Variants in SLC5A1 observed in about 807,000 individuals in gnomAD.
SLC5A1 encodes sodium/glucose cotransporter 1.
SLC5A1 carries 42 observed loss-of-function variants against 73.5 expected under a neutral mutation model. The observed-to-expected ratio is 0.57, with a 90% CI of 0.45 to 0.74. The LOEUF (loss-of-function observed/expected upper bound fraction) is 0.74. Ranked by LOEUF, SLC5A1 falls within the 30% of genes least tolerant of loss-of-function variation. The probability of loss-of-function intolerance (pLI) is 0.00; values close to 1 mark genes in which losing one functional copy is unlikely to be tolerated. For missense variants in SLC5A1, 634 were observed against 855.4 expected (o/e 0.74, Z 3.23); for synonymous variants, 300 against 317.4 (o/e 0.95, Z 0.58).
chr22:32,098,975 A>T (rs1395532789), intron 11 of SLC5A1, among the ~76,000 whole-genome samples: 1 of 150,296 alleles, frequency 6.7e-6, no homozygotes, highest in African/African-American at 2.4e-5. Context: ...AGTCCCAGCT[A>T]CTCAGGAGGC....
chr22:32,068,081 G>T, intron 4 of SLC5A1, 55 bp downstream of exon 4: 14 of 1,557,706 alleles, frequency 9.0e-6, no homozygotes, highest in Non-Finnish European at 1.2e-5. Flanking sequence ...CTGTCAGCTT[G>T]GTCTTCCTAG....
Position 32,068,516 on chromosome 22 carries a change from C to T in SLC5A1, c.393C>T (p.Tyr131=). Residue 131 remains tyrosine (Y), a synonymous_variant, in exon 5 of 15, where the codon TAC becomes TAT. Coordinates refer to ENST00000266088, the MANE Select transcript of SLC5A1 (RefSeq NM_000343.4). ...TGCAGGTGGTGACAATGCCAGAGTA[C>T]CTGAGGAAGCGGTTTGGAGGCCAGC... ...IKAGVVTMPE[Y]LRKRFGGQRI... 1 of 1,613,840 alleles carries T rather than the reference C, an allele frequency of 6.2e-7. No individual in the cohort carries two copies. Among genetic ancestry groups the T allele is most frequent in the Non-Finnish European group, 8.5e-7 (1 of 1,179,810 alleles).
chr22:32,110,297 C>T lies in SLC5A1; in HGVS notation c.*84C>T. On this transcript the variant is annotated 3_prime_UTR_variant, in exon 15 of 15. Transcript: ENST00000266088. ...TCGTCCTGTGGTGTTGAAGGGAAAT[C>T]AGCCAGTTGTAAATTTTGCCCAGGT... 9.0e-7 allele frequency: 1 copy of T among 1,116,434 alleles called. No individual in the cohort carries two copies. The highest frequency in any genetic ancestry group is 1.3e-5 in the South Asian group (1 of 78,334). The allele number at this position is 1,116,434 out of a possible 1,614,324, so 69.2% of individuals were successfully genotyped here.
intron 2 of SLC5A1, among the ~76,000 whole-genome samples, chr22:32,066,244 T>C (rs1375896782): frequency 6.6e-6 from 1 of 152,200 alleles, no homozygotes; most frequent in African/African-American, 2.4e-5. Context: ...GACATGTGCG[T>C]ATCCTTGAAA....
chr22:32,050,820 A>C (rs2093944202), intron 2 of SLC5A1, among the ~76,000 whole-genome samples: 1 of 152,240 alleles, frequency 6.6e-6, no homozygotes, highest in Non-Finnish European at 1.5e-5. Flanking sequence ...AGGTCCCCGG[A>C]AGCCTGAGTC....
chr22:32,056,179 G>A (rs1399389248), intron 2 of SLC5A1, among the ~76,000 whole-genome samples: 3 of 151,978 alleles, frequency 2.0e-5, no homozygotes, highest in African/African-American at 4.8e-5. Context: ...GTGCCACCAC[G>A]CCTGGCTAAT....
At chr22:32,086,409 C>A in intron 10 of SLC5A1, 82 bp downstream of exon 10, 1 of 943,066 alleles carries the variant, frequency 1.1e-6, no homozygotes, top group South Asian at 1.3e-5. Flanking sequence ...TCCTGTGAAC[C>A]TTCTGGGCAA....
At chr22:32,086,510 A>C (rs2094008651) in intron 10 of SLC5A1, among the ~76,000 whole-genome samples, 183 bp downstream of exon 10, 1 of 152,202 alleles carries the variant, frequency 6.6e-6, no homozygotes, top group South Asian at 2.1e-4. Flanking sequence ...GGAAGGAGAC[A>C]TATGACTTGG....
At chr22:32,100,932 G>C (rs1315326676) in intron 12 of SLC5A1, among the ~76,000 whole-genome samples, 2 of 152,106 alleles carry the variant, frequency 1.3e-5, no homozygotes, top group African/African-American at 4.8e-5. Flanking sequence ...TGGCAGTGTG[G>C]TTGGTGCTTG....
In SLC5A1 at chr22:32,081,987, TA is replaced by T. The variant is rs770103700; in HGVS notation, c.583+19del. The T allele has an allele frequency of 6.5e-7, 1 of 1,535,388 alleles. No individual in the cohort carries two copies. The highest frequency in any genetic ancestry group is 1.7e-5 in the Admixed American group (1 of 59,924). On this transcript the variant is annotated intron_variant, in intron 6 of 14. Transcript: ENST00000266088. Reference sequence around the variant, plus strand: ...ACAATTACAGGTGAGTCCATTCAAATAAACCAGCACCTCAAACCCAGCTCGG... The same window carrying T: ...ACAATTACAGGTGAGTCCATTCAAATAACCAGCACCTCAAACCCAGCTCGG...
At position 32,043,447 on chromosome 22, in the gene SLC5A1, G is replaced by A. The variant is rs371254693; in HGVS notation, c.135+31G>A. 8.7e-6 allele frequency: 14 copies of A among 1,612,066 alleles called. No homozygotes were observed. The African/African-American group carries it at 1.2e-4, about 14-fold the overall frequency. On this transcript the variant is annotated intron_variant, in intron 1 of 14. Coordinates refer to ENST00000266088, the MANE Select transcript of SLC5A1 (RefSeq NM_000343.4). The surrounding 1 kb of genome is among the most constrained non-coding windows in gnomAD (Gnocchi z 6.5). Reference sequence around the variant, plus strand: ...CAGCGGGTTCTGGGATGCGGGTGGGGAGGGTGCGCACAGAGGAGGAGCAAT... The same window carrying A: ...CAGCGGGTTCTGGGATGCGGGTGGGAAGGGTGCGCACAGAGGAGGAGCAAT...
chr22:32,077,118 G>A (rs1289568064), intron 5 of SLC5A1, among the ~76,000 whole-genome samples: 1 of 152,144 alleles, frequency 6.6e-6, no homozygotes, highest in East Asian at 1.9e-4. Flanking sequence ...TGATCTAGAG[G>A]ACCATAATTT....
In SLC5A1 at chr22:32,102,168, C is replaced by T. The variant is rs747111384; in HGVS notation, c.1596C>T (p.Ile532=). The T allele has an allele frequency of 2.5e-6, 4 of 1,614,064 alleles. No individual in the cohort carries two copies. The highest frequency in any genetic ancestry group is 2.2e-5 in the East Asian group (1 of 44,874). ...TGCACTACTTGTACTTTGCCATTAT[C>T]CTCTTCGCCATTTCTTTCATCACCA... The part of the protein sequence containing the change: ...CGVHYLYFAI[I]LFAISFITIV... Residue 532 remains isoleucine, a synonymous_variant, in exon 13 of 15, where the codon ATC becomes ATT. Transcript: ENST00000266088.
chr22:32,095,995 G>C (rs541950221), intron 11 of SLC5A1, among the ~76,000 whole-genome samples: 1 of 152,270 alleles, frequency 6.6e-6, no homozygotes, highest in South Asian at 2.1e-4. Flanking sequence ...TTCACAGTTT[G>C]GGCTCTCACA....
At chr22:32,060,053 A>G (rs1262653731) in intron 2 of SLC5A1, among the ~76,000 whole-genome samples, 1 of 138,314 alleles carries the variant, frequency 7.2e-6, no homozygotes, top group African/African-American at 3.1e-5. Flanking sequence ...ACACACACAC[A>G]TATATACACA....
chr22:32,110,497 G>A lies in SLC5A1; in HGVS notation c.*284G>A, dbSNP rs982268547. ...GCAGACTAAGAATCAGAAGCCATGT[G>A]ATTGATGTCTGACGTGAGTCTGTCT... On this transcript the variant is annotated 3_prime_UTR_variant, in exon 15 of 15. Transcript: ENST00000266088. The A allele has an allele frequency of 2.0e-6, 1 of 488,354 alleles. No homozygotes were observed. 30.3% of individuals were successfully genotyped at this position (488,354 alleles called of 1,614,324 possible). A position where few individuals can be genotyped will look rare whatever the true frequency, so the allele number is the denominator to read the frequency against.
chr22:32,073,951 C>T (rs2093986842), intron 5 of SLC5A1, among the ~76,000 whole-genome samples: 1 of 152,116 alleles, frequency 6.6e-6, no homozygotes, highest in Admixed American at 6.5e-5. Context: ...CTGGAAAATG[C>T]TGGGAGGGCT....
At chr22:32,068,168 C>G (rs368003845) in intron 4 of SLC5A1, 142 bp downstream of exon 4, 4 of 872,074 alleles carry the variant, frequency 4.6e-6, no homozygotes, top group African/African-American at 3.3e-5. Context: ...ATGAAATTCC[C>G]GACTGTCTGC....
chr22:32,064,641 T>C (rs1049540621), intron 2 of SLC5A1, among the ~76,000 whole-genome samples: 6 of 152,180 alleles, frequency 3.9e-5, no homozygotes. Context: ...ATCTAGGAGT[T>C]ACCTTTGATT....
Sources: allele counts gnomAD v4.1 joint callset (sites outside exome capture counted in the v4.1 genomes callset), GRCh38; gene constraint gnomAD v4.1.1; non-coding constraint Gnocchi (gnomAD v3.1); transcripts MANE v1.5; gene names NCBI Gene and HGNC (gene_info 2026-07-23, HGNC 2026-07-21).